RNF217: variants seen among roughly 807,000 people sequenced by gnomAD.
RNF217 encodes ring finger protein 217, also known as E3 ubiquitin-protein ligase RNF217.
RNF217 carries 31 observed loss-of-function variants against 57.8 expected under a neutral mutation model. That is an observed-to-expected ratio of 0.54 (90% CI 0.40 to 0.72). The LOEUF (loss-of-function observed/expected upper bound fraction) is 0.72. Ranked by LOEUF, RNF217 falls within the 30% of genes least tolerant of loss-of-function variation. RNF217 has a pLI of 0.00. For missense variants in RNF217, 696 were observed against 708.3 expected, an observed-to-expected ratio of 0.98 and a Z score of 0.20; for synonymous variants, 313 against 294.0, an observed-to-expected ratio of 1.06 and a Z score of -0.66.
intron 3 of RNF217, among the ~76,000 whole-genome samples, chr6:125,065,482 T>C (rs1381172101): frequency 6.6e-6 from 1 of 152,108 alleles, no homozygotes; most frequent in African/African-American, 2.4e-5. Flanking sequence ...CATACATAAA[T>C]GCCAGCCCCA....
Position 124,962,554 on chromosome 6 carries a change from G to C in RNF217, c.10G>C (p.Glu4Gln), listed in dbSNP as rs1190677838. 2.0e-5 allele frequency: 25 copies of C among 1,226,322 alleles called. No individual in the cohort carries two copies. The highest frequency in any genetic ancestry group is 2.4e-5 in the Non-Finnish European group (24 of 986,646). The allele number at this position is 1,226,322 out of a possible 1,614,324, so 76.0% of individuals were successfully genotyped here. ...CGGGCCGCGGGCGGCGATGGGCGAGGAGCAGAGCACGGTGAGCGGCGGCGG... is the reference window on the plus strand; with the variant it reads ...CGGGCCGCGGGCGGCGATGGGCGAGCAGCAGAGCACGGTGAGCGGCGGCGG... MGE[E>Q]QSTVSGGGGP... Residue 4 changes from glutamate to glutamine, a missense_variant, in exon 1 of 6, where the codon GAG (glutamate) becomes CAG (glutamine). This residue lies in a region of RNF217 where 465 missense variants were observed against 386.8 expected (regional missense o/e 1.20). Transcript: ENST00000521654. The surrounding 1 kb of genome is among the most constrained non-coding windows in gnomAD (Gnocchi z 4.6).
chr6:125,058,776 G>A (rs1232173284), intron 3 of RNF217, among the ~76,000 whole-genome samples: 1 of 152,156 alleles, frequency 6.6e-6, no homozygotes, highest in Non-Finnish European at 1.5e-5. Flanking sequence ...AATTCAACCA[G>A]AAAACTTTGG....
At chr6:125,049,833 T>C (rs552427531) in intron 2 of RNF217, among the ~76,000 whole-genome samples, 50 of 151,936 alleles carry the variant, frequency 3.3e-4, no homozygotes, top group Middle Eastern at 3.4e-3. Flanking sequence ...AGGGGTAAAA[T>C]TGACTATGTC....
intron 1 of RNF217, among the ~76,000 whole-genome samples, chr6:125,041,064 A>G (rs548448976): frequency 6.6e-6 from 1 of 152,278 alleles, no homozygotes; most frequent in Admixed American, 6.5e-5. Flanking sequence ...CACCACTCCT[A>G]TTAATGATCT....
At chr6:124,977,647 T>C (rs529323068) in intron 1 of RNF217, among the ~76,000 whole-genome samples, 68 of 152,108 alleles carry the variant, frequency 4.5e-4, no homozygotes, top group Non-Finnish European at 8.5e-4. Flanking sequence ...GGTAAGGAGG[T>C]CAAGGTCAAG....
intron 5 of RNF217, 119 bp from the exon 6 acceptor site, chr6:125,082,745 C>A (rs964133374): frequency 2.0e-5 from 23 of 1,139,288 alleles, no homozygotes; most frequent in Non-Finnish European, 2.9e-5. Flanking sequence ...CATTTCATAG[C>A]ATAGATGTCT....
At chr6:125,036,088 C>T (rs189256168) in intron 1 of RNF217, among the ~76,000 whole-genome samples, 1 of 151,970 alleles carries the variant, frequency 6.6e-6, no homozygotes, top group Admixed American at 6.6e-5. Context: ...CCCCCTACCC[C>T]CTGACAGGCC....
At position 124,965,982 on chromosome 6, in the gene RNF217, T is replaced by C. The variant is rs1783523698; in HGVS notation, c.882+2556T>C. Among the ~76,000 whole-genome samples the C allele has an allele frequency of 1.3e-5, 2 of 152,234 alleles. 1 individual carries two copies. Among genetic ancestry groups the C allele is most frequent in the Admixed American group, 1.3e-4 (2 of 15,292 alleles). ...TGGGCAACTAAAACCTACTGAATTT[T>C]TGAAAGGCCTGAGATTGCCCCAGAA... On this transcript the variant is annotated intron_variant, in intron 1 of 5. Transcript: ENST00000521654.
At chr6:124,968,557 CT>C (rs1368017415) in intron 1 of RNF217, among the ~76,000 whole-genome samples, 1 of 152,122 alleles carries the variant, frequency 6.6e-6, no homozygotes, top group Non-Finnish European at 1.5e-5. Flanking sequence ...GCCAGCAGGA[CT>C]TTTTCCGAGG....
chr6:124,999,104 A>G (rs1201111765), intron 1 of RNF217, among the ~76,000 whole-genome samples: 1 of 152,210 alleles, frequency 6.6e-6, no homozygotes, highest in African/African-American at 2.4e-5. Flanking sequence ...CGTGCCTCTA[A>G]AAAGCATACT....
rs1788882810 is a variant in RNF217, at chr6:125,089,874, T to G, written c.*6937T>G. On this transcript the variant is annotated 3_prime_UTR_variant, in exon 6 of 6. Transcript: ENST00000521654. ...TACTTCTTCAATATCCCCATATATT[T>G]GTATTGTTTCAAGCCACTAGTATCT... 6.6e-6 allele frequency: 1 copy of G among 152,190 alleles called. No individual in the cohort carries two copies. 9.4% of individuals were successfully genotyped at this position (152,190 alleles called of 1,614,324 possible).
rs148079233 is a variant in RNF217, at chr6:124,967,871, C to T, written c.882+4445C>T. Among the ~76,000 whole-genome samples the T allele has an allele frequency of 7.9e-5, 12 of 152,146 alleles. No individual in the cohort carries two copies. The East Asian group carries it at 1.9e-3, about 25-fold the overall frequency. ...TTGGCTCACTGCAACCTTTGCCTCCCGGGTTCAAGCGATTCTCCTGCTTCA... is the reference window on the plus strand; with the variant it reads ...TTGGCTCACTGCAACCTTTGCCTCCTGGGTTCAAGCGATTCTCCTGCTTCA... On this transcript the variant is annotated intron_variant, in intron 1 of 5. Coordinates refer to ENST00000521654, the MANE Select transcript of RNF217 (RefSeq NM_001286398.3).
At chr6:124,981,085 A>G (rs1412229170) in intron 1 of RNF217, among the ~76,000 whole-genome samples, 1 of 152,330 alleles carries the variant, frequency 6.6e-6, no homozygotes, top group East Asian at 1.9e-4. Context: ...TTCAAATTAG[A>G]TGGTGTGAGC....
chr6:125,005,102 A>G (rs1270666151), intron 1 of RNF217, among the ~76,000 whole-genome samples: 1 of 152,162 alleles, frequency 6.6e-6, no homozygotes, highest in Non-Finnish European at 1.5e-5. Flanking sequence ...TCATGAGGGC[A>G]TAACCCTCGT....
chr6:125,009,414 G>A, intron 1 of RNF217: 1 of 562,348 alleles, frequency 1.8e-6, no homozygotes, highest in Non-Finnish European at 3.2e-6. Context: ...CTTTCCTTGA[G>A]TATAAGTGAT....
At chr6:125,007,085 T>G (rs1387076850) in intron 1 of RNF217, among the ~76,000 whole-genome samples, 1 of 152,270 alleles carries the variant, frequency 6.6e-6, no homozygotes, top group African/African-American at 2.4e-5. Context: ...GTTATCCAGT[T>G]CACAAATTTT....
chr6:125,075,414 T>C (rs753376977), intron 3 of RNF217, among the ~76,000 whole-genome samples: 9 of 152,140 alleles, frequency 5.9e-5, no homozygotes, highest in Admixed American at 1.3e-4. Context: ...TCCGCATGCC[T>C]GGGGAGGCCT....
At chr6:124,986,471 G>C (rs1784367070) in intron 1 of RNF217, among the ~76,000 whole-genome samples, 1 of 152,114 alleles carries the variant, frequency 6.6e-6, no homozygotes, top group African/African-American at 2.4e-5. Flanking sequence ...CCTTCCTCCA[G>C]CTGTCTTCAG....
In RNF217 at chr6:124,971,088, A is replaced by G. The variant is rs150416403; in HGVS notation, c.882+7662A>G. Among the ~76,000 whole-genome samples, 625 of 152,368 alleles carry G rather than the reference A, an allele frequency of 4.1e-3. 4 individuals carry two copies. Among genetic ancestry groups the G allele is most frequent in the African/African-American group, 0.014 (572 of 41,586 alleles). ...ATGTTATATGAGGGAACTCGAGGTTAGAGAGATTAAATAACTTGCCCAAAA... is the reference window on the plus strand; with the variant it reads ...ATGTTATATGAGGGAACTCGAGGTTGGAGAGATTAAATAACTTGCCCAAAA... On this transcript the variant is annotated intron_variant, in intron 1 of 5. Transcript: ENST00000521654.
Sources: allele counts gnomAD v4.1 joint callset (sites outside exome capture counted in the v4.1 genomes callset), GRCh38; gene constraint gnomAD v4.1.1; regional missense constraint gnomAD v4.1.1; non-coding constraint Gnocchi (gnomAD v3.1); transcripts MANE v1.5; gene names NCBI Gene and HGNC (gene_info 2026-07-23, HGNC 2026-07-21).